Variants in PTPRG observed in about 807,000 individuals in gnomAD.
PTPRG encodes protein tyrosine phosphatase receptor type G.
Under a neutral mutation model 165.3 loss-of-function variants are expected in PTPRG, and 102 were observed. The observed-to-expected ratio is 0.62, with a 90% CI of 0.53 to 0.73. The LOEUF (loss-of-function observed/expected upper bound fraction) is 0.73. Ranked by LOEUF, PTPRG falls within the 30% of genes least tolerant of loss-of-function variation. The pLI is 0.00. For synonymous variants in PTPRG, 675 were observed against 669.5 expected (o/e 1.01, Z -0.13); for missense variants, 1,866 against 1,861.4 (o/e 1.00, Z -0.05).
intron 2 of PTPRG, among the ~76,000 whole-genome samples, chr3:61,929,073 C>T (rs1478024714): frequency 6.6e-6 from 1 of 152,142 alleles, no homozygotes; most frequent in Non-Finnish European, 1.5e-5. Context: ...AAATGAGAAA[C>T]CCTAGAGTGG....
chr3:62,015,879 G>A (rs558258012), intron 4 of PTPRG, among the ~76,000 whole-genome samples: 54 of 152,028 alleles, frequency 3.6e-4, no homozygotes, highest in Middle Eastern at 3.4e-3. Flanking sequence ...TATACTTCTT[G>A]GTTTAAAAAA....
intron 2 of PTPRG, among the ~76,000 whole-genome samples, chr3:61,916,565 G>A (rs2038940984): frequency 6.6e-6 from 1 of 152,114 alleles, no homozygotes; most frequent in African/African-American, 2.4e-5. Flanking sequence ...TGATAATTTA[G>A]ATTAAAAATG....
chr3:62,178,039 TTGGGTGGG>T (rs113285647), intron 8 of PTPRG, among the ~76,000 whole-genome samples: 2 of 62,806 alleles, frequency 3.2e-5, no homozygotes, highest in Non-Finnish European at 5.9e-5. Context: ...GGATGGGTTG[TTGGGTGGG>T]TGGGTGGGTG....
chr3:61,664,934 T>G (rs1021491987), intron 1 of PTPRG, among the ~76,000 whole-genome samples: 1 of 152,242 alleles, frequency 6.6e-6, no homozygotes, highest in African/African-American at 2.4e-5. Flanking sequence ...TTTAAGGAAC[T>G]GGACATCCCC....
intron 14 of PTPRG, among the ~76,000 whole-genome samples, chr3:62,238,330 G>A (rs1452783643): frequency 1.3e-5 from 2 of 152,068 alleles, no homozygotes; most frequent in Non-Finnish European, 2.9e-5. Flanking sequence ...CTCTATCTTG[G>A]GTATCTTGTT....
intron 1 of PTPRG, among the ~76,000 whole-genome samples, chr3:61,618,769 G>C (rs1701370047): frequency 6.6e-6 from 1 of 151,984 alleles, no homozygotes; most frequent in Admixed American, 6.6e-5. Context: ...CTGTTGATGA[G>C]AGTCAATACA....
intron 2 of PTPRG, among the ~76,000 whole-genome samples, chr3:61,932,833 G>A (rs886943791): frequency 4.6e-5 from 7 of 152,106 alleles, no homozygotes; most frequent in African/African-American, 7.2e-5. Flanking sequence ...TTTTTCAGGC[G>A]CAGCATTCTC....
intron 1 of PTPRG, among the ~76,000 whole-genome samples, chr3:61,630,708 C>T (rs1272146758): frequency 5.3e-5 from 8 of 152,222 alleles, no homozygotes; most frequent in Middle Eastern, 3.4e-3. Context: ...AAGAAATATT[C>T]GCACACTTGC....
rs1300421152 is a variant in PTPRG at position 62,190,384 on chromosome 3, G to A, written c.1034-1085G>A. On this transcript the variant is annotated intron_variant, in intron 8 of 29. Transcript: ENST00000474889. This position sits in a 1 kb window ranked among gnomAD's most constrained non-coding sequence, Gnocchi z 5.2. The stretch of plus-strand genomic sequence containing the variant: ...CAGCTCCATGAAGGCAGGCAGCACG[G>A]CCACACGGGTCTGGACACCCCTGAG... Among the ~76,000 whole-genome samples the A allele has an allele frequency of 2.0e-5, 3 of 152,198 alleles. No homozygotes were observed. Among genetic ancestry groups the A allele is most frequent in the Non-Finnish European group, 4.4e-5 (3 of 68,042 alleles).
At chr3:61,875,484 A>T (rs761945621) in intron 2 of PTPRG, among the ~76,000 whole-genome samples, 23 of 152,204 alleles carry the variant, frequency 1.5e-4, no homozygotes, top group Non-Finnish European at 3.1e-4. Flanking sequence ...CAGAAGGGAA[A>T]CTGGGAAGTG....
chr3:62,255,256 T>C lies in PTPRG; in HGVS notation c.2559+41T>C. On this transcript the variant is annotated intron_variant, in intron 16 of 29. Transcript: ENST00000474889. This position sits in a 1 kb window ranked among gnomAD's most constrained non-coding sequence, Gnocchi z 4.0. The stretch of plus-strand genomic sequence containing the variant: ...GGAAGTTAACTTCCAGAAACCTAAG[T>C]CTTACTTTATGCAGATTTTTGTAAA... The C allele has an allele frequency of 6.7e-7, 1 of 1,497,612 alleles. No homozygotes were observed. The highest frequency in any genetic ancestry group is 9.2e-7 in the Non-Finnish European group (1 of 1,085,596). 92.8% of individuals were successfully genotyped at this position (1,497,612 alleles called of 1,614,324 possible).
intron 2 of PTPRG, among the ~76,000 whole-genome samples, chr3:61,922,277 G>C (rs1228264169): frequency 6.6e-6 from 1 of 152,186 alleles, no homozygotes; most frequent in Non-Finnish European, 1.5e-5. Context: ...TGCCCTGCAT[G>C]TTCACTTAGA....
At chr3:61,747,732 T>G (rs2106910216) in intron 1 of PTPRG, among the ~76,000 whole-genome samples, 1 of 152,314 alleles carries the variant, frequency 6.6e-6, no homozygotes, top group South Asian at 2.1e-4. Context: ...ATGCGTTGTG[T>G]TTTCCTGGTC....
chr3:61,998,531 G>A (rs1330058436), intron 3 of PTPRG, among the ~76,000 whole-genome samples: 1 of 152,196 alleles, frequency 6.6e-6, no homozygotes, highest in Non-Finnish European at 1.5e-5. Flanking sequence ...TCTCGTAAGT[G>A]GACAGTGGCA....
chr3:61,753,618 T>G, intron 2 of PTPRG: 1 of 438,136 alleles, frequency 2.3e-6, no homozygotes, highest in Non-Finnish European at 4.5e-6. Context: ...TGGATCTTGC[T>G]CTTTCACCCA....
At chr3:61,630,786 G>A (rs893086830) in intron 1 of PTPRG, among the ~76,000 whole-genome samples, 2 of 152,042 alleles carry the variant, frequency 1.3e-5, no homozygotes, top group Non-Finnish European at 2.9e-5. Context: ...AGCGGGGCGC[G>A]GTGGCTCATG....
intron 5 of PTPRG, among the ~76,000 whole-genome samples, chr3:62,121,146 G>A (rs1703056087): frequency 6.6e-6 from 1 of 151,458 alleles, no homozygotes; most frequent in African/African-American, 2.4e-5. Context: ...GTAAAGACGG[G>A]GTTTCACCAT....
At chr3:61,849,362 G>T (rs1297080477) in intron 2 of PTPRG, among the ~76,000 whole-genome samples, 1 of 152,188 alleles carries the variant, frequency 6.6e-6, no homozygotes, top group African/African-American at 2.4e-5. Flanking sequence ...GAAATTTCAT[G>T]AATAATTTTA....
chr3:61,844,749 C>T (rs682580), intron 2 of PTPRG, among the ~76,000 whole-genome samples: 24,022 of 151,596 alleles, frequency 0.16, 1,912 homozygotes, highest in Middle Eastern at 0.19. Flanking sequence ...GCAGTCCTAC[C>T]GCCTTGGTCT....
Sources: gnomAD v4.1 joint callset for allele counts (sites outside exome capture counted in the v4.1 genomes callset) on GRCh38, gnomAD v4.1.1 for gene constraint, Gnocchi (gnomAD v3.1) non-coding constraint, MANE v1.5 for transcripts, NCBI Gene and HGNC (gene_info 2026-07-23, HGNC 2026-07-21) for gene names.